SCUBE1: variants seen among roughly 807,000 people sequenced by gnomAD.
The protein encoded by SCUBE1 is signal peptide, CUB and EGF-like domain-containing protein 1.
Under a neutral mutation model 124.4 loss-of-function variants are expected in SCUBE1, and 59 were observed. That is an observed-to-expected ratio of 0.47 (90% CI 0.38 to 0.59). The LOEUF is 0.59. Ranked by LOEUF, SCUBE1 falls within the 20% of genes least tolerant of loss-of-function variation. The pLI is 0.00. For synonymous variants in SCUBE1, 545 were observed against 550.9 expected, an observed-to-expected ratio of 0.99 and a Z score of 0.15; for missense variants, 1,150 against 1,371.2, an observed-to-expected ratio of 0.84 and a Z score of 2.55.
At chr22:43,281,564 A>AGTCACCCTCCTGTCACCTCCCTCTTTG (rs1924902690) in intron 4 of SCUBE1, among the ~76,000 whole-genome samples, 3 of 84,024 alleles carry the variant, frequency 3.6e-5, no homozygotes, top group East Asian at 5.8e-4. Context: ...CCTCCCCCTC[A>AGTCACCCTCCTGTCACCTCCCTCTTTG]GCCACCCTCC....
chr22:43,328,474 T>G (rs943335339), intron 2 of SCUBE1, among the ~76,000 whole-genome samples: 1 of 152,124 alleles, frequency 6.6e-6, no homozygotes, highest in East Asian at 1.9e-4. Context: ...CCCAGCCACC[T>G]CCAAGCTCAG....
Position 43,287,236 on chromosome 22 carries a change from G to A in SCUBE1, c.484+3810C>T, listed in dbSNP as rs56397093. 5.1e-3 allele frequency among the ~76,000 whole-genome samples: 782 copies of A among 152,352 alleles called. 9 individuals carry two copies. Among genetic ancestry groups the A allele is most frequent in the African/African-American group, 0.018 (756 of 41,578 alleles). ...CCTGCCCAGTGTGGGCACAGAGGAG[G>A]AGCCTGTGTGTGTCCCCCAAATCAA... On this transcript the variant is annotated intron_variant, in intron 4 of 21. Transcript: ENST00000360835.
At chr22:43,306,223 A>G (rs548295830) in intron 3 of SCUBE1, among the ~76,000 whole-genome samples, 4 of 152,332 alleles carry the variant, frequency 2.6e-5, no homozygotes, top group Admixed American at 1.3e-4. Context: ...TTTTAGGGCC[A>G]CGGCTCCGTG....
chr22:43,280,757 C>T (rs62232106), intron 4 of SCUBE1, among the ~76,000 whole-genome samples: 31 of 68,750 alleles, frequency 4.5e-4, no homozygotes, highest in Non-Finnish European at 1.2e-4. Context: ...CTCCTGTCAC[C>T]TCCCTCATTG....
intron 19 of SCUBE1, 112 bp downstream of exon 19, chr22:43,209,930 AG>A (rs1347386391): frequency 6.0e-6 from 7 of 1,169,610 alleles, no homozygotes; most frequent in Non-Finnish European, 8.3e-6. Flanking sequence ...TCTGAGCCCC[AG>A]GGCCCTCCTC....
intron 2 of SCUBE1, among the ~76,000 whole-genome samples, chr22:43,337,646 G>A (rs1569036874): frequency 1.3e-5 from 2 of 152,188 alleles, no homozygotes; most frequent in Non-Finnish European, 2.9e-5. Flanking sequence ...AGCGTGCCAG[G>A]AATATTACCC....
At chr22:43,216,548 G>A (rs137984088) in intron 15 of SCUBE1, among the ~76,000 whole-genome samples, 27,675 of 151,770 alleles carry the variant, frequency 0.18, 3,975 homozygotes, top group African/African-American at 0.4. Flanking sequence ...AGCTACTTGG[G>A]AGGCTGAGGC....
At chr22:43,212,977 C>A (rs1349798021) in intron 16 of SCUBE1, among the ~76,000 whole-genome samples, 2 of 152,128 alleles carry the variant, frequency 1.3e-5, no homozygotes, top group African/African-American at 2.4e-5. Context: ...GCAGAAGGAG[C>A]ACCTGCTCAG....
intron 4 of SCUBE1, among the ~76,000 whole-genome samples, chr22:43,275,521 T>G (rs1924471091): frequency 6.6e-6 from 1 of 152,188 alleles, no homozygotes. Flanking sequence ...CCTGCCCTTC[T>G]TGGGAGCTCA....
chr22:43,216,327 G>A (rs963490347), intron 15 of SCUBE1, among the ~76,000 whole-genome samples: 3 of 150,316 alleles, frequency 2.0e-5, no homozygotes, highest in Non-Finnish European at 4.4e-5. Context: ...GATTACAGGC[G>A]TGAGCTACCA....
At chr22:43,288,365 C>T (rs1219353249) in intron 4 of SCUBE1, among the ~76,000 whole-genome samples, 1 of 152,102 alleles carries the variant, frequency 6.6e-6, no homozygotes, top group Admixed American at 6.5e-5. Context: ...GATGGCCTCC[C>T]CTCTCCCCTA....
intron 7 of SCUBE1, among the ~76,000 whole-genome samples, chr22:43,235,576 G>A (rs1350886093): frequency 6.6e-6 from 1 of 152,154 alleles, no homozygotes; most frequent in Non-Finnish European, 1.5e-5. Flanking sequence ...GTAGGTGGGG[G>A]GTTCTCCCAG....
chr22:43,219,743 G>A (rs979597681), intron 14 of SCUBE1, among the ~76,000 whole-genome samples: 1 of 152,138 alleles, frequency 6.6e-6, no homozygotes, highest in Non-Finnish European at 1.5e-5. Flanking sequence ...CCAGACTGCT[G>A]GGATTACAGG....
chr22:43,229,029 C>A (rs375709731), intron 9 of SCUBE1, 43 bp downstream of exon 9: 3 of 1,443,768 alleles, frequency 2.1e-6, no homozygotes, highest in Non-Finnish European at 2.9e-6. Flanking sequence ...CGGCCAGGCG[C>A]GTGCCTCGGG....
intron 7 of SCUBE1, chr22:43,238,288 C>T (rs915208345): frequency 4.2e-5 from 7 of 165,904 alleles, no homozygotes; most frequent in Non-Finnish European, 1.3e-5. Flanking sequence ...AAGCAGAAGT[C>T]CTGAGTCCTT....
chr22:43,270,038 T>C (rs1285097054), intron 4 of SCUBE1: 1 of 152,210 alleles, frequency 6.6e-6, no homozygotes, highest in Non-Finnish European at 1.5e-5. Context: ...GGCTGAGCAT[T>C]CCTCATCCGA....
intron 7 of SCUBE1, chr22:43,238,501 A>T (rs188449429): frequency 6.9e-6 from 4 of 581,830 alleles, no homozygotes; most frequent in African/African-American, 3.7e-5. Context: ...CCACACTATC[A>T]CTGAGGGCCC....
Position 43,342,388 on chromosome 22 carries a change from T to C in SCUBE1, c.88+786A>G, listed in dbSNP as rs376169037. On this transcript the variant is annotated intron_variant, in intron 1 of 21. Coordinates refer to ENST00000360835, the MANE Select transcript of SCUBE1 (RefSeq NM_173050.5). ...CTCCTCCCTGTGTCTGTCCTCCGGATCCTCTGCCTTCCTTCCCTCTGTCTT... is the reference window on the plus strand; with the variant it reads ...CTCCTCCCTGTGTCTGTCCTCCGGACCCTCTGCCTTCCTTCCCTCTGTCTT... 2.2e-4 allele frequency among the ~76,000 whole-genome samples: 33 copies of C among 152,066 alleles called. No homozygotes were observed. In the East Asian group the frequency reaches 3.5e-3, roughly 16 times the overall value.
At chr22:43,245,049 C>T (rs527963708) in intron 6 of SCUBE1, among the ~76,000 whole-genome samples, 2 of 152,266 alleles carry the variant, frequency 1.3e-5, no homozygotes, top group African/African-American at 2.4e-5. Context: ...CCCTCCATGG[C>T]TCCCATCGCT....
Sources: allele counts gnomAD v4.1 joint callset (sites outside exome capture counted in the v4.1 genomes callset), GRCh38; gene constraint gnomAD v4.1.1; transcripts MANE v1.5; gene names NCBI Gene and HGNC (gene_info 2026-07-23, HGNC 2026-07-21).